PLB1: variants seen among roughly 807,000 people sequenced by gnomAD.
PLB1 encodes phospholipase B1, membrane-associated.
A neutral mutation model predicts 227.4 loss-of-function variants in PLB1; 242 were observed. The observed-to-expected ratio is 1.06, with a 90% confidence interval of 0.96 to 1.18. The LOEUF (loss-of-function observed/expected upper bound fraction) is 1.18. Among genes scored for constraint, PLB1 ranks in the 50% most tolerant of loss-of-function variants. The probability of loss-of-function intolerance (pLI) is 0.00; values close to 1 mark genes in which losing one functional copy is unlikely to be tolerated. For synonymous variants in PLB1, 757 were observed against 682.2 expected, an observed-to-expected ratio of 1.11 and a Z score of -1.71; for missense variants, 1,858 against 1,816.3, an observed-to-expected ratio of 1.02 and a Z score of -0.42.
intron 20 of PLB1, among the ~76,000 whole-genome samples, chr2:28,567,438 T>C (rs888608985): frequency 6.6e-6 from 1 of 151,488 alleles, no homozygotes; most frequent in Non-Finnish European, 1.5e-5. Context: ...TAATTTACTT[T>C]CCATCAACCT....
intron 35 of PLB1, among the ~76,000 whole-genome samples, chr2:28,599,772 C>T (rs11127177): frequency 0.18 from 27,362 of 151,970 alleles, 2,851 homozygotes; most frequent in East Asian, 0.48. Flanking sequence ...TCTACCATCA[C>T]GCCCAGCTAA....
At chr2:28,622,193 G>A (rs952078991) in intron 49 of PLB1, among the ~76,000 whole-genome samples, 1 of 152,182 alleles carries the variant, frequency 6.6e-6, no homozygotes, top group Non-Finnish European at 1.5e-5. Context: ...ATACAGATGA[G>A]TTCACCTAAA....
rs768526126 is a variant in PLB1, at chr2:28,606,531, C to T, written c.3093C>T (p.Asp1031=). 3.1e-6 allele frequency: 5 copies of T among 1,614,096 alleles called. No homozygotes were observed. The highest frequency in any genetic ancestry group is 1.3e-5 in the African/African-American group (1 of 74,938). The change falls in exon 43 of 58, where the codon GAC becomes GAT. Residue 1031 remains aspartate, a synonymous_variant. Transcript: ENST00000327757. ...TTGGAAGCAAAACAGAGACCCTGGA[C>T]CTGAGAGCAGAGATGCCCATCACCT... is the stretch of plus-strand genomic sequence containing the variant. ...EPLGSKTETL[D]LRAEMPITCP... is the part of the protein sequence containing the mutation.
intron 46 of PLB1, among the ~76,000 whole-genome samples, chr2:28,619,956 G>A (rs940436014): frequency 6.6e-6 from 1 of 152,178 alleles, no homozygotes; most frequent in Admixed American, 6.5e-5. Flanking sequence ...CAGGAGGCCA[G>A]CGTATTGCCC....
chr2:28,637,229 G>C (rs559546953), intron 56 of PLB1, among the ~76,000 whole-genome samples: 1 of 150,292 alleles, frequency 6.7e-6, no homozygotes, highest in Non-Finnish European at 1.5e-5. Flanking sequence ...GGAGGCAGGG[G>C]TTGCAGTGAG....
At position 28,569,058 on chromosome 2, in the gene PLB1, A is replaced by C. The variant is rs1044641458; in HGVS notation, c.1324+2219A>C. Among the ~76,000 whole-genome samples, 8 of 152,298 alleles carry C rather than the reference A, an allele frequency of 5.3e-5. No individual in the cohort carries two copies. The East Asian group carries it at 1.2e-3, about 22-fold the overall frequency. On this transcript the variant is annotated intron_variant, in intron 20 of 57. Coordinates refer to ENST00000327757, the MANE Select transcript of PLB1 (RefSeq NM_153021.5). ...TCCATTTATTAGTGTAATATCCCCA[A>C]ACCTCAAGGAATGAGTCCAGTCCAT...
In PLB1 at chr2:28,496,128, C is replaced by A; in HGVS notation, c.14C>A (p.Pro5Gln). 6.2e-7 allele frequency: 1 copy of A among 1,614,106 alleles called. No individual in the cohort carries two copies. Among genetic ancestry groups the A allele is most frequent in the Non-Finnish European group, 8.5e-7 (1 of 1,180,014 alleles). Residue 5 changes from proline to glutamine, a missense_variant, in exon 1 of 58, where the codon CCA becomes CAA. Physicochemically the swap from Pro to Gln is moderately conservative, Grantham distance 76 (BLOSUM62 -1). Coordinates refer to ENST00000327757, the MANE Select transcript of PLB1 (RefSeq NM_153021.5). ...GAGCATTCTGGCATGGGGCTGCGGC[C>A]AGGCATTTTCCTCCTGGAGCTGCTG... Reference protein sequence around the residue: MGLRPGIFLLELLLL... With the variant: MGLRQGIFLLELLLL...
At chr2:28,635,757 TTCTTCTG>T (rs1689220396) in intron 56 of PLB1, among the ~76,000 whole-genome samples, 2 of 152,364 alleles carry the variant, frequency 1.3e-5, no homozygotes, top group South Asian at 4.1e-4. Context: ...TTCCTCTGCC[TTCTTCTG>T]TCTTCTTATC....
intron 36 of PLB1, 92 bp downstream of exon 36, chr2:28,600,952 G>GC: frequency 8.4e-7 from 1 of 1,193,060 alleles, no homozygotes; most frequent in African/African-American, 1.5e-5. Context: ...AAAGCAGTGA[G>GC]CCCCATGTTA....
At chr2:28,497,120 G>A (rs1666546977) in intron 1 of PLB1, among the ~76,000 whole-genome samples, 3 of 152,340 alleles carry the variant, frequency 2.0e-5, no homozygotes, top group South Asian at 4.1e-4. Flanking sequence ...GATTGTTTGA[G>A]TTTCTCTTTT....
At chr2:28,535,055 C>T (rs936274430) in intron 9 of PLB1, among the ~76,000 whole-genome samples, 1 of 152,128 alleles carries the variant, frequency 6.6e-6, no homozygotes, top group Admixed American at 6.5e-5. Flanking sequence ...AACACTTGTT[C>T]TCAGACTTAA....
At chr2:28,536,411 A>T (rs1306994707) in intron 9 of PLB1, among the ~76,000 whole-genome samples, 1 of 150,702 alleles carries the variant, frequency 6.6e-6, no homozygotes, top group African/African-American at 2.4e-5. Context: ...TAAAAATCAG[A>T]AGAAAAAATG....
chr2:28,621,055 G>A (rs1686985811), intron 49 of PLB1, 77 bp downstream of exon 49: 1 of 1,271,978 alleles, frequency 7.9e-7, no homozygotes, highest in South Asian at 1.4e-5. Flanking sequence ...GGAGAGGAGG[G>A]TGGTGTCCAG....
intron 1 of PLB1, among the ~76,000 whole-genome samples, chr2:28,503,947 G>A (rs977187460): frequency 3.3e-5 from 5 of 152,194 alleles, no homozygotes; most frequent in African/African-American, 4.8e-5. Flanking sequence ...AAATGCTGTG[G>A]CCATCTTTGG....
At chr2:28,618,009 C>G (rs564273997) in intron 45 of PLB1, among the ~76,000 whole-genome samples, 2 of 152,208 alleles carry the variant, frequency 1.3e-5, no homozygotes, top group East Asian at 3.9e-4. Flanking sequence ...GTCCCAGTGG[C>G]AGTCCCTTAG....
At chr2:28,621,089 C>T in intron 49 of PLB1, 111 bp downstream of exon 49, 1 of 821,440 alleles carries the variant, frequency 1.2e-6, no homozygotes, top group Non-Finnish European at 2.0e-6. Flanking sequence ...GGGGCAATAG[C>T]AGCTGTGCAG....
intron 43 of PLB1, among the ~76,000 whole-genome samples, chr2:28,609,733 AG>A (rs35685583): frequency 0.43 from 64,731 of 151,928 alleles, 14,605 homozygotes; most frequent in East Asian, 0.89. Context: ...TCTGTTCCTT[AG>A]GAGTTCTCTA....
At chr2:28,507,599 C>T (rs1021311222) in intron 1 of PLB1, among the ~76,000 whole-genome samples, 1 of 152,266 alleles carries the variant, frequency 6.6e-6, no homozygotes, top group South Asian at 2.1e-4. Context: ...GGGACACATC[C>T]AAACCACAGC....
chr2:28,496,383 C>T (rs1301543936), intron 1 of PLB1, among the ~76,000 whole-genome samples: 1 of 152,174 alleles, frequency 6.6e-6, no homozygotes, highest in Non-Finnish European at 1.5e-5. Context: ...CTGCCGGGAG[C>T]GAGGCAGATC....
Sources: gnomAD v4.1 joint callset for allele counts (sites outside exome capture counted in the v4.1 genomes callset) on GRCh38, gnomAD v4.1.1 for gene constraint, MANE v1.5 for transcripts, NCBI Gene and HGNC (gene_info 2026-07-23, HGNC 2026-07-21) for gene names.